The following PDE7B variants were observed in gnomAD, a reference collection of about 807,000 sequenced individuals.
PDE7B encodes phosphodiesterase 7B, also known as 3',5'-cyclic-AMP phosphodiesterase 7B.
Under a neutral mutation model 56.2 loss-of-function variants are expected in PDE7B, and 29 were observed. The ratio of observed to expected loss-of-function variants is 0.52; its 90% CI spans 0.38 to 0.70. The LOEUF (loss-of-function observed/expected upper bound fraction) is 0.70, where lower values mean the gene tolerates loss of function less well. Among genes scored for constraint, PDE7B ranks in the 30% least tolerant of loss-of-function variants. The probability of loss-of-function intolerance (pLI) is 0.00; values close to 1 mark genes in which losing one functional copy is unlikely to be tolerated. For synonymous variants in PDE7B, 197 were observed against 196.9 expected, an observed-to-expected ratio of 1.00 and a Z score of 0.00; for missense variants, 490 against 565.0, an observed-to-expected ratio of 0.87 and a Z score of 1.35.
chr6:136,191,774 C>T lies in PDE7B; in HGVS notation c.1287C>T (p.Ser429=), dbSNP rs751775502. The T allele has an allele frequency of 5.1e-6, 8 of 1,583,328 alleles. No individual in the cohort carries two copies. The highest frequency in any genetic ancestry group is 1.1e-5 in the South Asian group (1 of 87,588). ...ACAGAAGCAGGGGCAGCAGTGGCAGCGGGCCTGACCACGACCACGCAGGCC... is the reference window on the plus strand; with the variant it reads ...ACAGAAGCAGGGGCAGCAGTGGCAGTGGGCCTGACCACGACCACGCAGGCC... ...RQHRSRGSSG[S]GPDHDHAGQG... Residue 429 remains serine, a synonymous_variant, in exon 13 of 13, where the codon AGC becomes AGT. Transcript: ENST00000308191.
intron 8 of PDE7B, among the ~76,000 whole-genome samples, chr6:136,171,953 C>A (rs577440873): frequency 5.9e-4 from 90 of 152,064 alleles, no homozygotes; most frequent in African/African-American, 2.0e-3. Context: ...CATGTCCCTA[C>A]AAAGGACATG....
intron 1 of PDE7B, among the ~76,000 whole-genome samples, chr6:135,934,871 A>G: frequency 8.7e-6 from 1 of 114,326 alleles, no homozygotes; most frequent in African/African-American, 3.5e-5. Context: ...ATAAAAATAT[A>G]TATAAATATT....
intron 2 of PDE7B, among the ~76,000 whole-genome samples, chr6:136,056,085 C>T (rs1013072416): frequency 2.6e-5 from 4 of 152,012 alleles, no homozygotes; most frequent in African/African-American, 9.7e-5. Context: ...TGAGGGGAAA[C>T]GTAGAAGGAG....
rs550454325 is a variant in PDE7B at position 136,156,501 on chromosome 6, T to C, written c.711+743T>C. 1.2e-4 allele frequency among the ~76,000 whole-genome samples: 19 copies of C among 152,288 alleles called. No homozygotes were observed. In the East Asian group the frequency reaches 3.5e-3, roughly 28 times the overall value. Reference sequence around the variant, plus strand: ...CTGGGACTACAGGCATGAGCTACCATGCCCGACCGAGAAGGATCTCTTTGA... The same window carrying C: ...CTGGGACTACAGGCATGAGCTACCACGCCCGACCGAGAAGGATCTCTTTGA... On this transcript the variant is annotated intron_variant, in intron 8 of 12. Coordinates refer to ENST00000308191, the MANE Select transcript of PDE7B (RefSeq NM_018945.4).
At chr6:136,145,734 G>C (rs538890813) in intron 3 of PDE7B, among the ~76,000 whole-genome samples, 1 of 152,140 alleles carries the variant, frequency 6.6e-6, no homozygotes, top group South Asian at 2.1e-4. Context: ...TGTCCTTATG[G>C]AATACTTCCC....
intron 2 of PDE7B, among the ~76,000 whole-genome samples, chr6:136,022,098 C>T (rs528600055): frequency 2.4e-4 from 36 of 152,306 alleles, no homozygotes; most frequent in East Asian, 9.6e-4. Context: ...AGTCCTCTTC[C>T]GCCAAATCTC....
chr6:136,111,210 T>G (rs1184941174), intron 3 of PDE7B: 2 of 152,088 alleles, frequency 1.3e-5, no homozygotes, highest in East Asian at 3.9e-4. Flanking sequence ...GACTATAAGA[T>G]CCTAAAGACA....
At chr6:136,125,732 T>A (rs1340331299) in intron 3 of PDE7B, among the ~76,000 whole-genome samples, 1 of 152,046 alleles carries the variant, frequency 6.6e-6, no homozygotes, top group East Asian at 1.9e-4. Context: ...CTGACCTTAG[T>A]TTCTACTTGG....
At position 136,191,785 on chromosome 6, in the gene PDE7B, A is replaced by G. The variant is rs756062066; in HGVS notation, c.1298A>G (p.His433Arg). 4.4e-5 allele frequency: 69 copies of G among 1,571,576 alleles called. No homozygotes were observed. Among genetic ancestry groups the G allele is most frequent in the Non-Finnish European group, 5.2e-5 (60 of 1,159,186 alleles). The change falls in exon 13 of 13, where the codon CAC becomes CGC. Residue 433 changes from histidine (H) to arginine (R), a missense_variant. His to Arg is a conservative substitution (Grantham distance 29). Coordinates refer to ENST00000308191, the MANE Select transcript of PDE7B (RefSeq NM_018945.4). ...SRGSSGSGPD[H>R]DHAGQGTESE... The stretch of plus-strand genomic sequence containing the variant: ...GGCAGCAGTGGCAGCGGGCCTGACC[A>G]CGACCACGCAGGCCAAGGGACTGAG...
chr6:136,136,939 G>T (rs1486112848), intron 3 of PDE7B, among the ~76,000 whole-genome samples: 1 of 151,976 alleles, frequency 6.6e-6, no homozygotes, highest in Non-Finnish European at 1.5e-5. Flanking sequence ...TAAATGAAGA[G>T]AATTTATTCC....
chr6:136,046,890 G>T (rs1021094381), intron 2 of PDE7B, among the ~76,000 whole-genome samples: 3 of 152,076 alleles, frequency 2.0e-5, no homozygotes, highest in African/African-American at 7.2e-5. Context: ...TACTCTGAAG[G>T]CCAAACAATG....
chr6:136,074,534 C>CT (rs1471047311), intron 2 of PDE7B, among the ~76,000 whole-genome samples: 6 of 152,242 alleles, frequency 3.9e-5, no homozygotes, highest in African/African-American at 1.4e-4. Flanking sequence ...CTTATTCACT[C>CT]TATCTAATTA....
Position 136,147,397 on chromosome 6 carries a change from A to G in PDE7B, c.213A>G (p.Arg71=). 1.9e-6 allele frequency: 3 copies of G among 1,612,964 alleles called. No individual in the cohort carries two copies. Among genetic ancestry groups the G allele is most frequent in the Non-Finnish European group, 2.5e-6 (3 of 1,178,976 alleles). ...TTGGCACCAAGAAAAAGGTGAAAAG[A>G]CTATTAAGCTTTCAAAGATACTTCC... ...GEIGTKKKVK[R]LLSFQRYFHA... is the part of the protein sequence containing the mutation. The change falls in exon 4 of 13, where the codon AGA becomes AGG. Residue 71 remains arginine, a synonymous_variant. Coordinates refer to ENST00000308191, the MANE Select transcript of PDE7B (RefSeq NM_018945.4).
At chr6:135,916,378 CT>C (rs1335713025) in intron 1 of PDE7B, among the ~76,000 whole-genome samples, 6 of 117,338 alleles carry the variant, frequency 5.1e-5, no homozygotes, top group Admixed American at 2.8e-4. Context: ...TTTTTCTTTT[CT>C]TTTCTTTTCT....
chr6:136,160,280 G>A (rs1210476193), intron 8 of PDE7B, among the ~76,000 whole-genome samples: 1 of 152,130 alleles, frequency 6.6e-6, no homozygotes, highest in Non-Finnish European at 1.5e-5. Flanking sequence ...TCTAGAACCG[G>A]TTAGGGTTTC....
intron 2 of PDE7B, among the ~76,000 whole-genome samples, chr6:135,993,752 C>G (rs1199280853): frequency 6.6e-6 from 1 of 152,168 alleles, no homozygotes; most frequent in Non-Finnish European, 1.5e-5. Flanking sequence ...AAAATTCGGG[C>G]AGATTAACAA....
At chr6:136,062,488 T>C (rs570826181) in intron 2 of PDE7B, among the ~76,000 whole-genome samples, 1 of 152,316 alleles carries the variant, frequency 6.6e-6, no homozygotes, top group East Asian at 1.9e-4. Context: ...TAATGCATTA[T>C]TATTAACTAT....
At chr6:136,169,726 AATCT>A (rs914781354) in intron 8 of PDE7B, among the ~76,000 whole-genome samples, 6 of 152,182 alleles carry the variant, frequency 3.9e-5, no homozygotes, top group Admixed American at 2.6e-4. Flanking sequence ...ACATCACACT[AATCT>A]ATCACTCTTC....
At chr6:136,148,486 C>CAGGCAGGCAGGCAGGCAGGCAGGCAGGA (rs1778457860) in intron 4 of PDE7B, among the ~76,000 whole-genome samples, 1 of 151,468 alleles carries the variant, frequency 6.6e-6, no homozygotes, top group African/African-American at 2.4e-5. Context: ...GGCAGGCAGG[C>CAGGCAGGCAGGCAGGCAGGCAGGCAGGA]AGGCAGGCAG....
Sources: allele counts gnomAD v4.1 joint callset (sites outside exome capture counted in the v4.1 genomes callset), GRCh38; gene constraint gnomAD v4.1.1; transcripts MANE v1.5; gene names NCBI Gene and HGNC (gene_info 2026-07-23, HGNC 2026-07-21).